Variants in NXN observed in about 807,000 individuals in gnomAD.
NXN encodes nucleoredoxin.
In NXN, 16 loss-of-function variants were observed where a neutral mutation model predicts 48.6. The ratio of observed to expected loss-of-function variants is 0.33; its 90% CI spans 0.22 to 0.50. The LOEUF (loss-of-function observed/expected upper bound fraction) is 0.50, where lower values mean the gene tolerates loss of function less well. Among genes scored for constraint, NXN ranks in the 20% least tolerant of loss-of-function variants. The pLI is 0.98. For synonymous variants in NXN, 281 were observed against 269.6 expected, an observed-to-expected ratio of 1.04 and a Z score of -0.41; for missense variants, 492 against 605.5, an observed-to-expected ratio of 0.81 and a Z score of 1.97.
rs149670214 is a variant in NXN at position 839,692 on chromosome 17, C to T, written c.361-13614G>A. Among the ~76,000 whole-genome samples the T allele has an allele frequency of 8.4e-3, 1,257 of 150,332 alleles. 22 individuals carry two copies. Among genetic ancestry groups the T allele is most frequent in the African/African-American group, 0.03 (1,207 of 40,702 alleles). The stretch of plus-strand genomic sequence containing the variant: ...TGGCACACATCTGTAGTCCCAGCTA[C>T]GCAGGAGGTTGAGGCAGGAGGATCA... On this transcript the variant is annotated intron_variant, in intron 1 of 7. Transcript: ENST00000336868.
At chr17:918,970 C>T (rs764713107) in intron 1 of NXN, among the ~76,000 whole-genome samples, 39 of 151,750 alleles carry the variant, frequency 2.6e-4, no homozygotes, top group Non-Finnish European at 4.4e-4. Context: ...GAGGCTGAGG[C>T]GGGAGGATCA....
At chr17:808,515 G>A (rs373054659) in intron 5 of NXN, among the ~76,000 whole-genome samples, 21 of 151,432 alleles carry the variant, frequency 1.4e-4, no homozygotes, top group Admixed American at 5.3e-4. Flanking sequence ...GGATGGTCTC[G>A]AACTCCCGAC....
chr17:868,227 C>T (rs549348006), intron 1 of NXN, among the ~76,000 whole-genome samples: 2 of 152,298 alleles, frequency 1.3e-5, no homozygotes, highest in South Asian at 2.1e-4. Flanking sequence ...TCCGATCCAC[C>T]CTTCCCCGGA....
chr17:813,684 G>A (rs763652563), intron 5 of NXN, among the ~76,000 whole-genome samples: 19 of 152,132 alleles, frequency 1.2e-4, no homozygotes, highest in Non-Finnish European at 2.2e-4. Context: ...AGAGACTACG[G>A]CCGGCCGGGC....
intron 1 of NXN, 94 bp from the exon 2 acceptor site, chr17:826,172 A>T (rs1202758013): frequency 1.2e-6 from 1 of 836,916 alleles, no homozygotes; most frequent in African/African-American, 1.7e-5. Context: ...CTGGATGAAC[A>T]GGCAAGCATT....
At chr17:844,172 G>A (rs73975567) in intron 1 of NXN, among the ~76,000 whole-genome samples, 5,574 of 150,954 alleles carry the variant, frequency 0.037, 335 homozygotes, top group African/African-American at 0.13. Context: ...GCCCTCCTTA[G>A]CTGGAAGGTG....
chr17:840,197 G>T (rs1028324922), intron 1 of NXN, among the ~76,000 whole-genome samples: 6 of 152,156 alleles, frequency 3.9e-5, no homozygotes, highest in African/African-American at 1.2e-4. Context: ...ACCCATGCCA[G>T]CAGCAGGCTC....
intron 1 of NXN, among the ~76,000 whole-genome samples, chr17:964,328 C>T (rs1178362334): frequency 1.3e-5 from 2 of 152,028 alleles, no homozygotes; most frequent in Admixed American, 6.6e-5. Flanking sequence ...CAGAACAGAT[C>T]CAGAGGATCT....
At chr17:877,598 C>G (rs774755949) in intron 1 of NXN, among the ~76,000 whole-genome samples, 286 of 152,196 alleles carry the variant, frequency 1.9e-3, no homozygotes, top group African/African-American at 6.6e-3. Context: ...GGAAGACGGA[C>G]GCGTACATAA....
At chr17:846,379 T>C (rs1170098082) in intron 1 of NXN, among the ~76,000 whole-genome samples, 1 of 131,432 alleles carries the variant, frequency 7.6e-6, no homozygotes, top group East Asian at 2.2e-4. Flanking sequence ...ATCGTGCCAC[T>C]GCACTCCAGC....
rs530374106 is a variant in NXN, at chr17:935,815, G to A, written c.360+43504C>T. Among the ~76,000 whole-genome samples the A allele has an allele frequency of 5.3e-5, 8 of 152,182 alleles. No homozygotes were observed. The South Asian group carries it at 1.0e-3, about 20-fold the overall frequency. On this transcript the variant is annotated intron_variant, in intron 1 of 7. Transcript: ENST00000336868. ...TGGAATAAAACCTGCAGCCTAGGCC[G>A]GGCGCAGTGACTCACGCCTATAATC...
At position 978,983 on chromosome 17, in the gene NXN, G is replaced by A. The variant is rs1325696545; in HGVS notation, c.360+336C>T. Among the ~76,000 whole-genome samples, 2 of 150,816 alleles carry A rather than the reference G, an allele frequency of 1.3e-5. No individual in the cohort carries two copies. Among genetic ancestry groups the A allele is most frequent in the East Asian group, 2.0e-4 (1 of 5,080 alleles). On this transcript the variant is annotated intron_variant, in intron 1 of 7. Coordinates refer to ENST00000336868, the MANE Select transcript of NXN (RefSeq NM_022463.5). The surrounding 1 kb of genome is among the most constrained non-coding windows in gnomAD (Gnocchi z 4.1). Reference sequence around the variant, plus strand: ...CGCCCCCACCCGAGGCTCCCAGCGTGTGCGGACGGAGGGGCTCGAGCCGGG... The same window carrying A: ...CGCCCCCACCCGAGGCTCCCAGCGTATGCGGACGGAGGGGCTCGAGCCGGG...
intron 1 of NXN, among the ~76,000 whole-genome samples, chr17:964,595 G>A (rs1163711971): frequency 1.3e-5 from 2 of 152,170 alleles, no homozygotes; most frequent in African/African-American, 4.8e-5. Context: ...AATGTCTGAA[G>A]GCATTTACTT....
At chr17:842,970 AAGAG>A (rs1281279396) in intron 1 of NXN, among the ~76,000 whole-genome samples, 1 of 107,936 alleles carries the variant, frequency 9.3e-6, no homozygotes, top group Admixed American at 9.4e-5. Flanking sequence ...GAAAGAGAGA[AAGAG>A]AGAAAGAGAG....
At chr17:836,661 A>G (rs999767517) in intron 1 of NXN, among the ~76,000 whole-genome samples, 1 of 152,160 alleles carries the variant, frequency 6.6e-6, no homozygotes, top group Non-Finnish European at 1.5e-5. Flanking sequence ...CTGGTGAGGT[A>G]TCTCACCGTC....
chr17:826,512 T>A (rs530451076), intron 1 of NXN, among the ~76,000 whole-genome samples: 1 of 152,092 alleles, frequency 6.6e-6, no homozygotes, highest in South Asian at 2.1e-4. Flanking sequence ...CAGAACACAA[T>A]CAGACCACCA....
chr17:946,370 T>C (rs1429838274), intron 1 of NXN, among the ~76,000 whole-genome samples: 2 of 152,164 alleles, frequency 1.3e-5, no homozygotes, highest in Admixed American at 6.5e-5. Flanking sequence ...GGTTTCACCA[T>C]GTTGGCCAGG....
At chr17:869,025 C>G (rs1421196314) in intron 1 of NXN, among the ~76,000 whole-genome samples, 1 of 152,192 alleles carries the variant, frequency 6.6e-6, no homozygotes, top group Non-Finnish European at 1.5e-5. Context: ...GGCTTTCTAT[C>G]ACTGCAGACG....
intron 1 of NXN, among the ~76,000 whole-genome samples, chr17:954,716 T>A (rs1567517718): frequency 6.6e-6 from 1 of 152,122 alleles, no homozygotes. Flanking sequence ...ATCACGAGCC[T>A]CCTCTCCTTC....
Sources: allele counts gnomAD v4.1 joint callset (sites outside exome capture counted in the v4.1 genomes callset), GRCh38; gene constraint gnomAD v4.1.1; non-coding constraint Gnocchi (gnomAD v3.1); transcripts MANE v1.5; gene names NCBI Gene and HGNC (gene_info 2026-07-23, HGNC 2026-07-21).